Variants in TAOK1 observed in about 807,000 individuals in gnomAD.
TAOK1 encodes the protein TAO kinase 1.
Under a neutral mutation model 138.3 loss-of-function variants are expected in TAOK1, and 21 were observed. The observed-to-expected ratio is 0.15, with a 90% CI of 0.11 to 0.22. The LOEUF (loss-of-function observed/expected upper bound fraction) is 0.22. TAOK1 is among the 10% of genes least tolerant of loss of function. The pLI is 1.00. For synonymous variants in TAOK1, 361 were observed against 398.4 expected, an observed-to-expected ratio of 0.91 and a Z score of 1.12; for missense variants, 651 against 1,227.7, an observed-to-expected ratio of 0.53 and a Z score of 7.02.
intron 2 of TAOK1, among the ~76,000 whole-genome samples, chr17:29,465,573 A>T (rs2030641957): frequency 6.6e-6 from 1 of 152,108 alleles, no homozygotes; most frequent in Admixed American, 6.6e-5. Flanking sequence ...TTAAGTGTAC[A>T]GTTCAATTAT....
At chr17:29,451,794 G>T in intron 2 of TAOK1, 114 bp downstream of exon 2, 1 of 1,265,878 alleles carries the variant, frequency 7.9e-7, no homozygotes, top group Non-Finnish European at 1.1e-6. Context: ...ATAGTCACTT[G>T]CATAGGGGGA....
At chr17:29,493,367 G>A (rs992124710) in intron 10 of TAOK1, among the ~76,000 whole-genome samples, 3 of 151,690 alleles carry the variant, frequency 2.0e-5, no homozygotes, top group African/African-American at 7.3e-5. Flanking sequence ...GGTGGCGCAT[G>A]CCTGTAATCC....
chr17:29,445,222 G>A (rs1441636912), intron 1 of TAOK1: 2 of 152,246 alleles, frequency 1.3e-5, no homozygotes, highest in Admixed American at 6.5e-5. Flanking sequence ...TATGAAGAAT[G>A]GGGTATCCAT....
Position 29,480,374 on chromosome 17 carries a change from C to G in TAOK1, c.456C>G (p.Ile152Met). Residue 152 changes from isoleucine (I) to methionine (M), a missense_variant, in exon 7 of 20, where the codon ATC becomes ATG. Around this residue, in one of 8 missense-constraint regions of TAOK1, gnomAD observed 116 missense variants for 213.9 expected, o/e 0.54. Coordinates refer to ENST00000261716, the MANE Select transcript of TAOK1 (RefSeq NM_020791.4). ...CTGTATTCCCTAAACCTAGAGATATCAAAGCAGGAAATATCCTTCTGACAG... is the reference window on the plus strand; with the variant it reads ...CTGTATTCCCTAAACCTAGAGATATGAAAGCAGGAAATATCCTTCTGACAG... ...LHSHTMIHRD[I>M]KAGNILLTEP... is the part of the protein sequence containing the mutation. The G allele has an allele frequency of 6.2e-7, 1 of 1,610,934 alleles. No individual in the cohort carries two copies. Among genetic ancestry groups the G allele is most frequent in the Non-Finnish European group, 8.5e-7 (1 of 1,177,938 alleles).
intron 1 of TAOK1, among the ~76,000 whole-genome samples, chr17:29,394,823 A>G (rs892183339): frequency 6.6e-6 from 1 of 152,220 alleles, no homozygotes; most frequent in Non-Finnish European, 1.5e-5. Flanking sequence ...GGCTGGGCAA[A>G]GTGGCTCAGG....
intron 17 of TAOK1, among the ~76,000 whole-genome samples, chr17:29,526,694 G>A (rs552240278): frequency 1.3e-5 from 2 of 152,044 alleles, no homozygotes; most frequent in East Asian, 1.9e-4. Flanking sequence ...GATTACAGGC[G>A]TGAGCCACCA....
At chr17:29,449,167 G>C (rs1041708245) in intron 1 of TAOK1, among the ~76,000 whole-genome samples, 1 of 152,038 alleles carries the variant, frequency 6.6e-6, no homozygotes, top group Non-Finnish European at 1.5e-5. Flanking sequence ...TAACACTGAA[G>C]TTTGTTTTTT....
At position 29,543,023 on chromosome 17, in the gene TAOK1, C is replaced by T. The variant is rs780822346; in HGVS notation, c.*1C>T. ...TGGGTCACACATGTCTTATACATAA[C>T]TTAATAATTGAGAGTGGCAATTCCG... is the stretch of plus-strand genomic sequence containing the variant. On this transcript the variant is annotated 3_prime_UTR_variant, in exon 20 of 20. Coordinates refer to ENST00000261716, the MANE Select transcript of TAOK1 (RefSeq NM_020791.4). 15 of 1,562,878 alleles carry T rather than the reference C, an allele frequency of 9.6e-6. No homozygotes were observed. The Admixed American group carries it at 1.5e-4, about 15-fold the overall frequency.
chr17:29,410,281 G>A (rs1457174111), intron 1 of TAOK1, among the ~76,000 whole-genome samples: 1 of 152,032 alleles, frequency 6.6e-6, no homozygotes, highest in Non-Finnish European at 1.5e-5. Flanking sequence ...ACGGAGTTTC[G>A]CTCTTGTTGC....
At chr17:29,472,556 A>G (rs1598495940) in intron 3 of TAOK1, among the ~76,000 whole-genome samples, 2 of 128,332 alleles carry the variant, frequency 1.6e-5, no homozygotes, top group South Asian at 2.7e-4. Flanking sequence ...CCCAGCTGCT[A>G]TAGCCTTTCT....
chr17:29,530,026 CAAAAAAAAAAAGA>C (rs2032076724), intron 17 of TAOK1, among the ~76,000 whole-genome samples: 1 of 132,730 alleles, frequency 7.5e-6, no homozygotes, highest in Non-Finnish European at 1.6e-5. Flanking sequence ...GACTCCATCT[CAAAAAAAAAAAGA>C]AAAAGAAAAA....
At chr17:29,496,742 C>T (rs1040444468) in intron 11 of TAOK1, among the ~76,000 whole-genome samples, 2 of 150,360 alleles carry the variant, frequency 1.3e-5, no homozygotes, top group Non-Finnish European at 3.0e-5. Context: ...TGCGCCACCA[C>T]GCCCAACTAA....
At chr17:29,423,973 C>T (rs761866059) in intron 1 of TAOK1, among the ~76,000 whole-genome samples, 24 of 149,780 alleles carry the variant, frequency 1.6e-4, no homozygotes, top group East Asian at 7.9e-4. Context: ...TGCTTGAACC[C>T]GGGAGGCGGA....
chr17:29,400,277 C>T (rs538439868), intron 1 of TAOK1, among the ~76,000 whole-genome samples: 1 of 151,586 alleles, frequency 6.6e-6, no homozygotes, highest in East Asian at 1.9e-4. Flanking sequence ...GCCTGTAATC[C>T]CAGCTACTTG....
rs569409308 is a variant in TAOK1 at position 29,489,499 on chromosome 17, G to GA, written c.656-157dup. On this transcript the variant is annotated intron_variant, in intron 8 of 19. Coordinates refer to ENST00000261716, the MANE Select transcript of TAOK1 (RefSeq NM_020791.4). ...GGTGACAGAGCAAGACCCTATCTCA[G>GA]AAAAAAAATAAAAAAAAAGCTCTTT... Among the ~76,000 whole-genome samples, 74 of 147,400 alleles carry GA rather than the reference G, an allele frequency of 5.0e-4. No individual in the cohort carries two copies. The East Asian group carries it at 0.013, about 25-fold the overall frequency.
rs1349635115 is a variant in TAOK1, at chr17:29,548,053, C to T, written c.*5031C>T. Reference sequence around the variant, plus strand: ...GAAAAAGAAAGTGAAGCTGAGAACTCTTCCTTTATTGTGCATTTATATTTT... The same window carrying T: ...GAAAAAGAAAGTGAAGCTGAGAACTTTTCCTTTATTGTGCATTTATATTTT... On this transcript the variant is annotated 3_prime_UTR_variant, in exon 20 of 20. Transcript: ENST00000261716. The T allele has an allele frequency of 2.0e-5, 3 of 152,112 alleles. No individual in the cohort carries two copies. Among genetic ancestry groups the T allele is most frequent in the Non-Finnish European group, 2.9e-5 (2 of 67,990 alleles). 9.4% of individuals were successfully genotyped at this position (152,112 alleles called of 1,614,324 possible). A position where few individuals can be genotyped will look rare whatever the true frequency, so the allele number is the denominator to read the frequency against.
chr17:29,535,092 G>A (rs900652382), intron 19 of TAOK1, among the ~76,000 whole-genome samples: 1 of 152,054 alleles, frequency 6.6e-6, no homozygotes, highest in Non-Finnish European at 1.5e-5. Context: ...CGGGAAGATC[G>A]TCTGAGCTCA....
intron 1 of TAOK1, among the ~76,000 whole-genome samples, chr17:29,440,623 T>G (rs927261232): frequency 2.0e-5 from 3 of 152,088 alleles, no homozygotes; most frequent in African/African-American, 7.2e-5. Flanking sequence ...TTGCCCAGGC[T>G]GGAGTGCAGT....
intron 1 of TAOK1, among the ~76,000 whole-genome samples, chr17:29,405,894 G>A (rs1179562532): frequency 6.6e-6 from 1 of 152,104 alleles, no homozygotes; most frequent in Non-Finnish European, 1.5e-5. Context: ...TCTAGGCAGT[G>A]TGGTTATTAA....
Sources: allele counts gnomAD v4.1 joint callset (sites outside exome capture counted in the v4.1 genomes callset), GRCh38; gene constraint gnomAD v4.1.1; regional missense constraint gnomAD v4.1.1; transcripts MANE v1.5; gene names NCBI Gene and HGNC (gene_info 2026-07-23, HGNC 2026-07-21).